Variants in SPTLC3 observed in about 807,000 individuals in gnomAD.
SPTLC3 encodes serine palmitoyltransferase 3.
A neutral mutation model predicts 59.3 loss-of-function variants in SPTLC3; 36 were observed. The observed-to-expected ratio is 0.61, with a 90% CI of 0.47 to 0.80. The LOEUF is 0.80. Among genes scored for constraint, SPTLC3 ranks in the 30% least tolerant of loss-of-function variants. The pLI is 0.00. For missense variants in SPTLC3, 625 were observed against 685.1 expected (o/e 0.91, Z 0.98); for synonymous variants, 257 against 240.8 (o/e 1.07, Z -0.62).
intron 7 of SPTLC3, among the ~76,000 whole-genome samples, chr20:13,114,004 A>T (rs941203334): frequency 6.6e-6 from 1 of 152,226 alleles, no homozygotes; most frequent in Non-Finnish European, 1.5e-5. Flanking sequence ...GGCTTAGATT[A>T]CTTGCCCCAG....
Position 13,093,596 on chromosome 20 carries a change from T to A in SPTLC3, c.826+19T>A, listed in dbSNP as rs1011290. ...CACAACAGTGAGTATCAGTGTATTT[T>A]CTCAACATGTACTGGATTGCTCCTA... On this transcript the variant is annotated intron_variant, in intron 6 of 11. Coordinates refer to ENST00000399002, the MANE Select transcript of SPTLC3 (RefSeq NM_018327.4). 0.38 allele frequency: 607,432 copies of A among 1,605,514 alleles called. 116,442 individuals are homozygous for A. Among genetic ancestry groups the A allele is most frequent in the Admixed American group, 0.4 (23,860 of 59,762 alleles).
intron 4 of SPTLC3, among the ~76,000 whole-genome samples, chr20:13,086,369 T>G (rs969118861): frequency 1.3e-5 from 2 of 152,200 alleles, no homozygotes; most frequent in African/African-American, 4.8e-5. Flanking sequence ...TTTTCATTAT[T>G]CCTTTAAAAA....
chr20:13,136,320 G>C (rs1432881058), intron 9 of SPTLC3, among the ~76,000 whole-genome samples: 1 of 152,126 alleles, frequency 6.6e-6, no homozygotes, highest in East Asian at 1.9e-4. Flanking sequence ...AATTTGGCCA[G>C]GTGTGGTGGC....
chr20:13,115,005 C>T (rs1229365095), intron 7 of SPTLC3, among the ~76,000 whole-genome samples: 1 of 152,204 alleles, frequency 6.6e-6, no homozygotes, highest in East Asian at 1.9e-4. Context: ...TTCAAATTAA[C>T]TCGTGGAATT....
intron 6 of SPTLC3, among the ~76,000 whole-genome samples, chr20:13,108,843 A>C (rs1568605465): frequency 6.6e-6 from 1 of 152,202 alleles, no homozygotes. Flanking sequence ...TGAGCATTTT[A>C]AATGGTGTTT....
chr20:13,073,719 T>A, intron 3 of SPTLC3: 1 of 469,426 alleles, frequency 2.1e-6, no homozygotes, highest in Non-Finnish European at 4.2e-6. Flanking sequence ...CAGTTCTGAG[T>A]TGACGCCTGA....
chr20:13,088,695 C>T (rs1030248118), intron 4 of SPTLC3, among the ~76,000 whole-genome samples: 5 of 151,104 alleles, frequency 3.3e-5, no homozygotes, highest in Admixed American at 6.6e-5. Flanking sequence ...CTCAGCTCAC[C>T]GCAACCTCTG....
intron 4 of SPTLC3, among the ~76,000 whole-genome samples, chr20:13,087,538 C>T (rs187142735): frequency 6.6e-6 from 1 of 152,224 alleles, no homozygotes; most frequent in African/African-American, 2.4e-5. Context: ...CCCTGTGCCA[C>T]CTCCTACTCT....
chr20:13,032,279 G>A (rs1459406756), intron 1 of SPTLC3, among the ~76,000 whole-genome samples: 1 of 152,184 alleles, frequency 6.6e-6, no homozygotes, highest in Non-Finnish European at 1.5e-5. Flanking sequence ...CTCTAAAGCT[G>A]AAGTAAGTCC....
At chr20:13,075,481 C>T (rs1266105558) in intron 4 of SPTLC3, among the ~76,000 whole-genome samples, 1 of 152,204 alleles carries the variant, frequency 6.6e-6, no homozygotes, top group Non-Finnish European at 1.5e-5. Flanking sequence ...GCAAATAATT[C>T]ACATTGAACA....
intron 11 of SPTLC3, among the ~76,000 whole-genome samples, chr20:13,160,429 G>C (rs979416827): frequency 6.6e-6 from 1 of 152,176 alleles, no homozygotes; most frequent in Non-Finnish European, 1.5e-5. Context: ...AAATGCAAAA[G>C]CTGGTCTAAA....
At chr20:13,140,836 C>A (rs1047095306) in intron 9 of SPTLC3, among the ~76,000 whole-genome samples, 5 of 152,116 alleles carry the variant, frequency 3.3e-5, no homozygotes, top group Non-Finnish European at 1.5e-5. Flanking sequence ...GAAAATACAA[C>A]CATGCCTCTT....
In SPTLC3 at chr20:13,061,171, G is replaced by A. The variant is rs144586370; in HGVS notation, c.304-11085G>A. Among the ~76,000 whole-genome samples the A allele has an allele frequency of 5.2e-3, 792 of 152,150 alleles. 7 individuals are homozygous for A. Among genetic ancestry groups the A allele is most frequent in the African/African-American group, 0.018 (762 of 41,498 alleles). On this transcript the variant is annotated intron_variant, in intron 2 of 11. Transcript: ENST00000399002. Reference sequence around the variant, plus strand: ...CATTCTGAAGTAATTTATCTTTTGAGGAATACCGTGACTCAGGGAAGAGAC... The same window carrying A: ...CATTCTGAAGTAATTTATCTTTTGAAGAATACCGTGACTCAGGGAAGAGAC...
At chr20:13,115,967 C>T (rs1267155943) in intron 7 of SPTLC3, among the ~76,000 whole-genome samples, 2 of 152,132 alleles carry the variant, frequency 1.3e-5, no homozygotes, top group East Asian at 3.9e-4. Context: ...TCAATGGAAA[C>T]AATTTTAACA....
rs541979397 is a variant in SPTLC3 at position 13,149,583 on chromosome 20, A to C, written c.1280-4420A>C. On this transcript the variant is annotated intron_variant, in intron 9 of 11. Coordinates refer to ENST00000399002, the MANE Select transcript of SPTLC3 (RefSeq NM_018327.4). The stretch of plus-strand genomic sequence containing the variant: ...AAAGACCTCAAAGGCATTTGTAGTA[A>C]CCTATATGAGAAAGCGTGGCAACCA... Among the ~76,000 whole-genome samples the C allele has an allele frequency of 3.3e-5, 5 of 152,362 alleles. No homozygotes were observed. The South Asian group carries it at 1.0e-3, about 32-fold the overall frequency.
chr20:13,027,645 A>G lies in SPTLC3; in HGVS notation c.117+18261A>G, dbSNP rs747100886. On this transcript the variant is annotated intron_variant, in intron 1 of 11. Transcript: ENST00000399002. ...TTCAGTAATCTATTTCAGCACGCACACACACACACACACACACACACACAC... is the reference window on the plus strand; with the variant it reads ...TTCAGTAATCTATTTCAGCACGCACGCACACACACACACACACACACACAC... Among the ~76,000 whole-genome samples the G allele has an allele frequency of 6.1e-4, 4 of 6,532 alleles. No homozygotes were observed. The Non-Finnish European group carries it at 0.016, about 26-fold the overall frequency. The allele number at this position is 6,532 out of a possible 152,430, so 4.3% of individuals were successfully genotyped here. A position where few individuals can be genotyped will look rare whatever the true frequency, so the allele number is the denominator to read the frequency against.
chr20:13,126,261 C>T (rs918138953), intron 8 of SPTLC3, among the ~76,000 whole-genome samples: 1 of 152,204 alleles, frequency 6.6e-6, no homozygotes, highest in East Asian at 1.9e-4. Flanking sequence ...GGGCACTGAA[C>T]ACAAAGTCAG....
chr20:13,072,481 A>G, intron 3 of SPTLC3, 71 bp downstream of exon 3: 1 of 1,429,388 alleles, frequency 7.0e-7, no homozygotes, highest in Non-Finnish European at 9.3e-7. Context: ...TGGCCACTAG[A>G]TGACAAATCC....
intron 4 of SPTLC3, among the ~76,000 whole-genome samples, chr20:13,087,471 G>A (rs1415895664): frequency 6.6e-6 from 1 of 152,186 alleles, no homozygotes; most frequent in African/African-American, 2.4e-5. Flanking sequence ...CTTCAAGCTG[G>A]TATTCACTGG....
Sources: allele counts gnomAD v4.1 joint callset (sites outside exome capture counted in the v4.1 genomes callset), GRCh38; gene constraint gnomAD v4.1.1; transcripts MANE v1.5; gene names NCBI Gene and HGNC (gene_info 2026-07-23, HGNC 2026-07-21).